SRPK2: variants seen among roughly 807,000 people sequenced by gnomAD.
The protein encoded by SRPK2 is SFRS protein kinase 2.
Under a neutral mutation model 90.8 loss-of-function variants are expected in SRPK2, and 21 were observed. The observed-to-expected ratio is 0.23, with a 90% confidence interval of 0.16 to 0.33. SRPK2 has a LOEUF of 0.33. Among genes scored for constraint, SRPK2 ranks in the 10% least tolerant of loss-of-function variants. The pLI, the probability that SRPK2 is intolerant of heterozygous loss-of-function variation, is 1.00. For synonymous variants in SRPK2, 288 were observed against 311.1 expected (o/e 0.93, Z 0.78); for missense variants, 620 against 869.0 (o/e 0.71, Z 3.60).
intron 3 of SRPK2, among the ~76,000 whole-genome samples, chr7:105,201,297 G>C (rs998634913): frequency 6.6e-6 from 1 of 152,108 alleles, no homozygotes; most frequent in Admixed American, 6.5e-5. Flanking sequence ...CAAATTTGGG[G>C]GGGGCTGGCA....
At chr7:105,349,748 CT>C (rs1190375255) in intron 2 of SRPK2, among the ~76,000 whole-genome samples, 2 of 151,126 alleles carry the variant, frequency 1.3e-5, no homozygotes, top group African/African-American at 2.4e-5. Flanking sequence ...CGGTGCCTGT[CT>C]TTTTTTTTGA....
At chr7:105,350,952 C>T (rs181110061) in intron 2 of SRPK2, among the ~76,000 whole-genome samples, 9 of 152,212 alleles carry the variant, frequency 5.9e-5, no homozygotes, top group South Asian at 4.2e-4. Context: ...CTATCTTACG[C>T]GCTTTATCTA....
intron 15 of SRPK2, among the ~76,000 whole-genome samples, chr7:105,124,114 T>C (rs1212467728): frequency 6.6e-6 from 1 of 152,234 alleles, no homozygotes; most frequent in Non-Finnish European, 1.5e-5. Flanking sequence ...CAGCCATTTA[T>C]GGCCACACGC....
chr7:105,296,554 T>C (rs1459271672), intron 2 of SRPK2, among the ~76,000 whole-genome samples: 1 of 152,080 alleles, frequency 6.6e-6, no homozygotes, highest in African/African-American at 2.4e-5. Context: ...TAATAAAGTA[T>C]AACTTAGAGG....
intron 2 of SRPK2, among the ~76,000 whole-genome samples, chr7:105,286,314 C>T (rs1808096497): frequency 6.6e-6 from 1 of 152,190 alleles, no homozygotes; most frequent in African/African-American, 2.4e-5. Flanking sequence ...TGCTCCATCC[C>T]TCTACAAATA....
At chr7:105,125,943 A>C in intron 15 of SRPK2, 1 of 812,424 alleles carries the variant, frequency 1.2e-6, no homozygotes, top group Non-Finnish European at 1.8e-6. Context: ...GCATGCAGAC[A>C]CTACCACCGC....
At chr7:105,182,804 A>G (rs1479523928) in intron 3 of SRPK2, among the ~76,000 whole-genome samples, 1 of 152,194 alleles carries the variant, frequency 6.6e-6, no homozygotes, top group African/African-American at 2.4e-5. Context: ...AAAAATTAAC[A>G]AAGTATTTAT....
chr7:105,386,851 G>C (rs1159341312), intron 2 of SRPK2, among the ~76,000 whole-genome samples: 1 of 152,172 alleles, frequency 6.6e-6, no homozygotes, highest in Non-Finnish European at 1.5e-5. Context: ...TCATTAGCTG[G>C]TGTGTTATTT....
At chr7:105,391,942 A>G (rs1390658041), upstream of SRPK2, among the ~76,000 whole-genome samples, 2 of 152,338 alleles carry the variant, frequency 1.3e-5, no homozygotes, top group Non-Finnish European at 2.9e-5. Context: ...CAAAAGGTGG[A>G]AAAAACCTAA....
chr7:105,154,471 C>G (rs551759508), intron 7 of SRPK2, among the ~76,000 whole-genome samples: 1 of 152,250 alleles, frequency 6.6e-6, no homozygotes, highest in East Asian at 1.9e-4. Context: ...AACAGGGCCA[C>G]TGAAAGAATT....
intron 6 of SRPK2, 72 bp downstream of exon 6, chr7:105,167,305 G>T: frequency 2.3e-6 from 3 of 1,304,696 alleles, no homozygotes; most frequent in Non-Finnish European, 3.3e-6. Context: ...AGTAAACAGA[G>T]ATTATAGGAG....
intron 7 of SRPK2, among the ~76,000 whole-genome samples, chr7:105,147,927 T>C (rs1278711776): frequency 6.6e-6 from 1 of 152,222 alleles, no homozygotes; most frequent in Non-Finnish European, 1.5e-5. Context: ...ATTTGGGTTA[T>C]TTTCACTTTA....
At chr7:105,352,920 C>T (rs1278536652) in intron 2 of SRPK2, among the ~76,000 whole-genome samples, 1 of 151,716 alleles carries the variant, frequency 6.6e-6, no homozygotes, top group Non-Finnish European at 1.5e-5. Context: ...AAAAAAAGCT[C>T]TTGGCTAGTC....
chr7:105,184,127 C>T (rs1049568307), intron 3 of SRPK2, among the ~76,000 whole-genome samples: 1 of 151,808 alleles, frequency 6.6e-6, no homozygotes, highest in Non-Finnish European at 1.5e-5. Flanking sequence ...AGGAATGTGC[C>T]ACCACACCTG....
chr7:105,396,002 G>A (rs905014722), intron 1 of SRPK2, among the ~76,000 whole-genome samples: 1 of 151,862 alleles, frequency 6.6e-6, no homozygotes, highest in Non-Finnish European at 1.5e-5. Flanking sequence ...CGCAACCTCC[G>A]CCTCCCAGGT....
At chr7:105,389,370 T>C (rs1433032019), upstream of SRPK2, 1 of 1,268,198 alleles carries the variant, frequency 7.9e-7, no homozygotes, top group Non-Finnish European at 1.0e-6. Flanking sequence ...TGCAACCCCA[T>C]GAGCGCCGCT....
At chr7:105,130,613 C>T in intron 13 of SRPK2, among the ~76,000 whole-genome samples, 1 of 151,602 alleles carries the variant, frequency 6.6e-6, no homozygotes, top group Non-Finnish European at 1.5e-5. Context: ...CCATCTGTGG[C>T]CTTATGACAG....
intron 2 of SRPK2, among the ~76,000 whole-genome samples, chr7:105,310,835 C>G (rs1585652196): frequency 6.6e-6 from 1 of 152,030 alleles, no homozygotes; most frequent in East Asian, 1.9e-4. Flanking sequence ...TATTATAAGT[C>G]TACTCAAACT....
intron 2 of SRPK2, among the ~76,000 whole-genome samples, chr7:105,366,632 G>A (rs567649978): frequency 1.3e-5 from 2 of 152,186 alleles, no homozygotes; most frequent in African/African-American, 4.8e-5. Context: ...GCCTCCCAAA[G>A]TGCTGGGATT....
Sources: gnomAD v4.1 joint callset for allele counts (sites outside exome capture counted in the v4.1 genomes callset) on GRCh38, gnomAD v4.1.1 for gene constraint, MANE v1.5 for transcripts, NCBI Gene and HGNC (gene_info 2026-07-23, HGNC 2026-07-21) for gene names.